Variants in CORO1C observed in about 807,000 individuals in gnomAD.
CORO1C encodes coronin 1C, also known as coronin-1C.
In CORO1C, 14 loss-of-function variants were observed where a neutral mutation model predicts 51.2. The observed-to-expected ratio is 0.27, with a 90% CI of 0.18 to 0.43. The LOEUF (loss-of-function observed/expected upper bound fraction) is 0.43. Among genes scored for constraint, CORO1C ranks in the 20% least tolerant of loss-of-function variants. The pLI is 1.00. For synonymous variants in CORO1C, 181 were observed against 210.5 expected, an observed-to-expected ratio of 0.86 and a Z score of 1.21; for missense variants, 417 against 607.8, an observed-to-expected ratio of 0.69 and a Z score of 3.30.
rs569093425 is a variant in CORO1C, at chr12:108,697,856, G to A, written c.195+3268C>T. On this transcript the variant is annotated intron_variant, in intron 2 of 10. Transcript: ENST00000261401. ...TCGTATATGAAGACTCACTCATATT[G>A]TGTAAACAATCAAATATCAACTGTA... Among the ~76,000 whole-genome samples the A allele has an allele frequency of 4.6e-5, 7 of 152,304 alleles. No homozygotes were observed. The South Asian group carries it at 1.5e-3, about 32-fold the overall frequency.
chr12:108,716,893 C>G (rs949634344), intron 1 of CORO1C, among the ~76,000 whole-genome samples: 1 of 152,232 alleles, frequency 6.6e-6, no homozygotes, highest in Admixed American at 6.5e-5. Flanking sequence ...TGTTCAACAA[C>G]TATTCACTCG....
At chr12:108,662,225 A>C (rs1592861832) in intron 3 of CORO1C, 67 bp from the exon 4 acceptor site, 5 of 1,338,424 alleles carry the variant, frequency 3.7e-6, no homozygotes. Flanking sequence ...ATTTACAGTG[A>C]CCATCCACTA....
At chr12:108,701,344 T>C in intron 1 of CORO1C, 21 bp from the exon 2 acceptor site, 2 of 1,614,072 alleles carry the variant, frequency 1.2e-6, no homozygotes, top group South Asian at 2.2e-5. Flanking sequence ...AGAGTGAGAA[T>C]TATGTTAGAA....
rs761515371 is a variant in CORO1C at position 108,661,992 on chromosome 12, G to C, written c.448+37C>G. ...CCCCCACTCAGAGAGCCACAAGAGTGGAAGACAAGGGGAGGACCGCTGAGC... is the reference window on the plus strand; with the variant it reads ...CCCCCACTCAGAGAGCCACAAGAGTCGAAGACAAGGGGAGGACCGCTGAGC... On this transcript the variant is annotated intron_variant, in intron 4 of 10. Transcript: ENST00000261401. The C allele has an allele frequency of 5.6e-6, 9 of 1,613,110 alleles. No individual in the cohort carries two copies. In the Middle Eastern group the frequency reaches 6.6e-4, roughly 118 times the overall value.
rs867753956 is a variant in CORO1C at position 108,674,933 on chromosome 12, G to A, written c.318+3339C>T. Among the ~76,000 whole-genome samples, 7 of 152,198 alleles carry A rather than the reference G, an allele frequency of 4.6e-5. No homozygotes were observed. In the South Asian group the frequency reaches 6.2e-4, roughly 13 times the overall value. The stretch of plus-strand genomic sequence containing the variant: ...TTGATAAGGCAGCAAAAGGGTTTGA[G>A]AGGACTGACTCCAATTTTGAAAGAA... On this transcript the variant is annotated intron_variant, in intron 3 of 10. Coordinates refer to ENST00000261401, the MANE Select transcript of CORO1C (RefSeq NM_014325.4).
chr12:108,680,210 C>T (rs1366726234), intron 2 of CORO1C, among the ~76,000 whole-genome samples: 1 of 152,132 alleles, frequency 6.6e-6, no homozygotes, highest in African/African-American at 2.4e-5. Context: ...CACATAGGAA[C>T]AGAGAAGGAA....
chr12:108,711,856 AC>A (rs1184884543), intron 1 of CORO1C, among the ~76,000 whole-genome samples: 1 of 152,190 alleles, frequency 6.6e-6, no homozygotes, highest in Non-Finnish European at 1.5e-5. Context: ...ATAAAAAATG[AC>A]AATTTTGACA....
chr12:108,664,591 C>A (rs2136816641), intron 3 of CORO1C, among the ~76,000 whole-genome samples: 1 of 152,278 alleles, frequency 6.6e-6, no homozygotes, highest in Admixed American at 6.5e-5. Flanking sequence ...TTAAGCAAGG[C>A]AGGTGTGAAC....
chr12:108,673,873 TATA>T (rs1397149706), intron 3 of CORO1C, among the ~76,000 whole-genome samples: 2 of 151,722 alleles, frequency 1.3e-5, no homozygotes, highest in East Asian at 3.9e-4. Flanking sequence ...AAACTTAAAG[TATA>T]ATAATAATAA....
intron 3 of CORO1C, among the ~76,000 whole-genome samples, chr12:108,665,402 T>C (rs1203349742): frequency 6.6e-6 from 1 of 152,204 alleles, no homozygotes; most frequent in East Asian, 1.9e-4. Flanking sequence ...CTCTTTCTTG[T>C]AACACATTTA....
intron 4 of CORO1C, among the ~76,000 whole-genome samples, chr12:108,660,237 A>G (rs1471229442): frequency 6.6e-6 from 1 of 152,230 alleles, no homozygotes; most frequent in Admixed American, 6.5e-5. Context: ...AGATCACCTG[A>G]GGTCAGGAGT....
chr12:108,672,904 T>C (rs1188419931), intron 3 of CORO1C, among the ~76,000 whole-genome samples: 2 of 152,194 alleles, frequency 1.3e-5, no homozygotes, highest in African/African-American at 4.8e-5. Context: ...ATAAACGCTG[T>C]GTGTTTTCTC....
Position 108,689,010 on chromosome 12 carries a change from G to A in CORO1C, c.196-10616C>T, listed in dbSNP as rs145537977. 4.2e-3 allele frequency among the ~76,000 whole-genome samples: 580 copies of A among 137,208 alleles called. 4 individuals are homozygous for A. Among genetic ancestry groups the A allele is most frequent in the Non-Finnish European group, 5.4e-3 (352 of 65,110 alleles). 90.0% of individuals were successfully genotyped at this position (137,208 alleles called of 152,430 possible). ...CGTACCACTACACTCCAGCCTGGGC[G>A]ACAGAATGAGACTCTGTCTCAGAAA... On this transcript the variant is annotated intron_variant, in intron 2 of 10. Coordinates refer to ENST00000261401, the MANE Select transcript of CORO1C (RefSeq NM_014325.4).
At chr12:108,693,138 G>A (rs943681046) in intron 2 of CORO1C, among the ~76,000 whole-genome samples, 1 of 151,856 alleles carries the variant, frequency 6.6e-6, no homozygotes. Context: ...AGAAAAATTC[G>A]TTCACACTCA....
At chr12:108,667,347 T>C (rs1225492072) in intron 3 of CORO1C, among the ~76,000 whole-genome samples, 1 of 152,254 alleles carries the variant, frequency 6.6e-6, no homozygotes, top group Non-Finnish European at 1.5e-5. Context: ...AGCTTTTCTT[T>C]GTTCTATGGC....
At position 108,726,241 on chromosome 12, in the gene CORO1C, T is replaced by C. The variant is rs190656012; in HGVS notation, c.-6+5188A>G. ...GATCATCCTGGCTAACACAGTGAAATCCCATCTCTACTAAAAAATACCAAA... is the reference window on the plus strand; with the variant it reads ...GATCATCCTGGCTAACACAGTGAAACCCCATCTCTACTAAAAAATACCAAA... On this transcript the variant is annotated intron_variant, in intron 1 of 10. Transcript: ENST00000261401. 5.8e-3 allele frequency among the ~76,000 whole-genome samples: 888 copies of C among 151,818 alleles called. 10 individuals are homozygous for C. The highest frequency in any genetic ancestry group is 0.02 in the African/African-American group (842 of 41,382).
chr12:108,666,495 G>A (rs1451741513), intron 3 of CORO1C, among the ~76,000 whole-genome samples: 1 of 152,198 alleles, frequency 6.6e-6, no homozygotes, highest in Non-Finnish European at 1.5e-5. Flanking sequence ...GGCACCCAAA[G>A]GCCATGCTCA....
chr12:108,679,962 A>T (rs563377105), intron 2 of CORO1C, among the ~76,000 whole-genome samples: 1 of 152,368 alleles, frequency 6.6e-6, no homozygotes, highest in South Asian at 2.1e-4. Flanking sequence ...TAAAATAAGT[A>T]AAAAAATTAA....
At chr12:108,671,758 T>G (rs2033728556) in intron 3 of CORO1C, among the ~76,000 whole-genome samples, 1 of 152,038 alleles carries the variant, frequency 6.6e-6, no homozygotes, top group African/African-American at 2.4e-5. Context: ...GTCAATAATT[T>G]TATTTATTTA....
Sources: gnomAD v4.1 joint callset for allele counts (sites outside exome capture counted in the v4.1 genomes callset) on GRCh38, gnomAD v4.1.1 for gene constraint, MANE v1.5 for transcripts, NCBI Gene and HGNC (gene_info 2026-07-23, HGNC 2026-07-21) for gene names.